PRORP: variants seen among roughly 807,000 people sequenced by gnomAD.
PRORP encodes the protein protein only RNase P catalytic subunit.
In PRORP, 51 loss-of-function variants were observed where a neutral mutation model predicts 59.4. The observed-to-expected ratio is 0.86, with a 90% CI of 0.69 to 1.08. The LOEUF is 1.08. Ranked by LOEUF, PRORP falls within the 50% of genes least tolerant of loss-of-function variation. The pLI is 0.00. For synonymous variants in PRORP, 231 were observed against 245.6 expected, an observed-to-expected ratio of 0.94 and a Z score of 0.55; for missense variants, 646 against 690.3, an observed-to-expected ratio of 0.94 and a Z score of 0.72.
chr14:35,188,957 A>G (rs113125179), intron 5 of PRORP, among the ~76,000 whole-genome samples: 3 of 40,968 alleles, frequency 7.3e-5, no homozygotes, highest in Admixed American at 2.7e-4. Context: ...AAAAAAAAAA[A>G]AAAAAAAGTA....
chr14:35,139,374 C>T (rs1472993262), intron 4 of PRORP, among the ~76,000 whole-genome samples: 1 of 144,442 alleles, frequency 6.9e-6, no homozygotes, highest in African/African-American at 2.5e-5. Context: ...GTGGAACTGT[C>T]ACTGCAATCA....
chr14:35,122,046 C>T, upstream of PRORP: 7 of 1,498,158 alleles, frequency 4.7e-6, no homozygotes, highest in Non-Finnish European at 4.6e-6. Flanking sequence ...CGCCAGGCCC[C>T]GTAAAGGTTA....
chr14:35,241,473 A>G (rs2050367771), intron 5 of PRORP, among the ~76,000 whole-genome samples: 2 of 151,994 alleles, frequency 1.3e-5, no homozygotes, highest in Non-Finnish European at 2.9e-5. Flanking sequence ...TGTGGCTCAC[A>G]TTATATTTCT....
intron 5 of PRORP, among the ~76,000 whole-genome samples, chr14:35,181,783 CAAA>C (rs71121270): frequency 1.8e-5 from 2 of 109,396 alleles, no homozygotes; most frequent in African/African-American, 3.8e-5. Flanking sequence ...AAAACTGTCT[CAAA>C]AAAAAAAAAA....
chr14:35,250,886 T>C (rs1165752884), intron 5 of PRORP, among the ~76,000 whole-genome samples: 1 of 152,204 alleles, frequency 6.6e-6, no homozygotes, highest in Non-Finnish European at 1.5e-5. Flanking sequence ...AATTTTTTAT[T>C]TCCGTAGGTT....
intron 4 of PRORP, chr14:35,158,251 C>G (rs2138934306): frequency 4.0e-6 from 1 of 247,866 alleles, no homozygotes; most frequent in East Asian, 9.2e-5. Context: ...TAAGTCACAA[C>G]TGCCAGTTTT....
At chr14:35,174,750 CTTTT>C (rs113505782) in intron 4 of PRORP, among the ~76,000 whole-genome samples, 23 of 132,318 alleles carry the variant, frequency 1.7e-4, no homozygotes, top group South Asian at 7.1e-4. Context: ...TTTTTTTTTT[CTTTT>C]TTTTTTTTTT....
chr14:35,226,943 C>G lies in PRORP; in HGVS notation c.1276-39784C>G, dbSNP rs192888060. Among the ~76,000 whole-genome samples, 236 of 151,614 alleles carry G rather than the reference C, an allele frequency of 1.6e-3. 2 individuals carry two copies. The highest frequency in any genetic ancestry group is 5.6e-3 in the African/African-American group (231 of 41,382). On this transcript the variant is annotated intron_variant, in intron 5 of 7. Coordinates refer to ENST00000534898, the MANE Select transcript of PRORP (RefSeq NM_014672.4). ...AGAGACAGGGTTTCACCATGTTCCC[C>G]ATGGCTAGTCTTGAACTCCTAAGCT...
chr14:35,249,763 G>A (rs139370681), intron 5 of PRORP, among the ~76,000 whole-genome samples: 2 of 152,198 alleles, frequency 1.3e-5, no homozygotes, highest in African/African-American at 4.8e-5. Context: ...CATATTTTAT[G>A]GAATTTCAAA....
At chr14:35,193,813 C>T (rs2048944310) in intron 5 of PRORP, among the ~76,000 whole-genome samples, 1 of 152,008 alleles carries the variant, frequency 6.6e-6, no homozygotes, top group African/African-American at 2.4e-5. Flanking sequence ...CTTTTAAATA[C>T]TCTTTTCCAT....
intron 4 of PRORP, among the ~76,000 whole-genome samples, chr14:35,157,383 A>G (rs1365910836): frequency 6.6e-6 from 1 of 152,196 alleles, no homozygotes; most frequent in Non-Finnish European, 1.5e-5. Context: ...CTCCACTTAC[A>G]ATCAGAGAAA....
chr14:35,207,023 C>CT (rs1188706862), intron 5 of PRORP, among the ~76,000 whole-genome samples: 1 of 152,196 alleles, frequency 6.6e-6, no homozygotes, highest in East Asian at 1.9e-4. Flanking sequence ...CATTTTTCTG[C>CT]TTTTAAGATT....
chr14:35,275,008 G>A lies in PRORP; in HGVS notation c.*1442G>A, dbSNP rs1014510919. On this transcript the variant is annotated 3_prime_UTR_variant, in exon 8 of 8. Coordinates refer to ENST00000534898, the MANE Select transcript of PRORP (RefSeq NM_014672.4). ...TACGTATACATACTGTATTCAATAT[G>A]CAAGAACAGGCAAAAACTACTCTAT... 6.6e-6 allele frequency: 1 copy of A among 151,564 alleles called. No homozygotes were observed. The highest frequency in any genetic ancestry group is 1.5e-5 in the Non-Finnish European group (1 of 67,976). 9.4% of individuals were successfully genotyped at this position (151,564 alleles called of 1,614,324 possible).
Position 35,174,237 on chromosome 14 carries a change from C to T in PRORP, c.1168-6433C>T, listed in dbSNP as rs1595241056. Reference sequence around the variant, plus strand: ...TACCAAACCTTCAAATGTCATGTCCCCTCCAGTTTCTGCCTGCTTTTGCTC... The same window carrying T: ...TACCAAACCTTCAAATGTCATGTCCTCTCCAGTTTCTGCCTGCTTTTGCTC... On this transcript the variant is annotated intron_variant, in intron 4 of 7. Transcript: ENST00000534898. Among the ~76,000 whole-genome samples the T allele has an allele frequency of 2.0e-5, 3 of 151,884 alleles. No homozygotes were observed. In the South Asian group the frequency reaches 6.2e-4, roughly 32 times the overall value.
At chr14:35,178,739 T>G (rs1214526457) in intron 4 of PRORP, among the ~76,000 whole-genome samples, 1 of 124,742 alleles carries the variant, frequency 8.0e-6, no homozygotes, top group Non-Finnish European at 1.7e-5. Context: ...TTTAGCCCAT[T>G]TACATTTAAG....
upstream of PRORP, chr14:35,122,027 C>G (rs1388884525): frequency 3.2e-6 from 5 of 1,562,246 alleles, no homozygotes; most frequent in Non-Finnish European, 4.4e-6. Flanking sequence ...CCAGCTCAGG[C>G]GTCAGCACCG....
chr14:35,149,289 A>G (rs555246867), intron 4 of PRORP, among the ~76,000 whole-genome samples: 1 of 151,626 alleles, frequency 6.6e-6, no homozygotes, highest in Non-Finnish European at 1.5e-5. Context: ...ATCATAGTCC[A>G]CTGGGGCCTC....
At chr14:35,184,660 C>T (rs920962891) in intron 5 of PRORP, among the ~76,000 whole-genome samples, 9 of 152,130 alleles carry the variant, frequency 5.9e-5, no homozygotes, top group African/African-American at 2.2e-4. Flanking sequence ...CTTTTCTGCT[C>T]CTCTGCCTTC....
At chr14:35,183,762 C>T (rs533460079) in intron 5 of PRORP, among the ~76,000 whole-genome samples, 1 of 152,252 alleles carries the variant, frequency 6.6e-6, no homozygotes, top group Admixed American at 6.5e-5. Flanking sequence ...ATGATTGTTT[C>T]AGCCACTCAC....
Sources: gnomAD v4.1 joint callset for allele counts (sites outside exome capture counted in the v4.1 genomes callset) on GRCh38, gnomAD v4.1.1 for gene constraint, MANE v1.5 for transcripts, NCBI Gene and HGNC (gene_info 2026-07-23, HGNC 2026-07-21) for gene names.